PDE4D: variants seen among roughly 807,000 people sequenced by gnomAD.
PDE4D encodes phosphodiesterase 4D.
Under a neutral mutation model 87.4 loss-of-function variants are expected in PDE4D, and 24 were observed. The observed-to-expected ratio is 0.27, with a 90% CI of 0.20 to 0.39. The LOEUF is 0.39. Among genes scored for constraint, PDE4D ranks in the 10% least tolerant of loss-of-function variants. The pLI is 1.00. For synonymous variants in PDE4D, 384 were observed against 383.2 expected (o/e 1.00, Z -0.02); for missense variants, 714 against 1,041.0 (o/e 0.69, Z 4.32).
rs989816935 is a variant in PDE4D at position 58,973,782 on chromosome 5, A to AAAT, written c.*879_*881dup. 6.8e-6 allele frequency: 1 copy of AAAT among 147,846 alleles called. No homozygotes were observed. Among genetic ancestry groups the AAAT allele is most frequent in the Non-Finnish European group, 1.5e-5 (1 of 66,156 alleles). The allele number at this position is 147,846 out of a possible 1,614,324, so 9.2% of individuals were successfully genotyped here. ...GAAAGAGTGAAACAAAATGCAAAGT[A>AAAT]AATAATAAAGACTTACAAAAAGGGT... On this transcript the variant is annotated 3_prime_UTR_variant, in exon 15 of 15. Transcript: ENST00000340635.
At chr5:58,979,283 C>A (rs1394805289) in intron 11 of PDE4D, among the ~76,000 whole-genome samples, 2 of 152,182 alleles carry the variant, frequency 1.3e-5, no homozygotes, top group Non-Finnish European at 2.9e-5. Context: ...TATCTCCTGA[C>A]ACTTAAAGAG....
At chr5:59,660,400 A>T (rs934113341) in intron 1 of PDE4D, among the ~76,000 whole-genome samples, 2 of 152,126 alleles carry the variant, frequency 1.3e-5, no homozygotes, top group African/African-American at 4.8e-5. Flanking sequence ...AATATTTAAA[A>T]CCACTTCCTT....
At chr5:60,020,279 G>A (rs890331478) in intron 2 of PDE4D, among the ~76,000 whole-genome samples, 3 of 152,170 alleles carry the variant, frequency 2.0e-5, no homozygotes, top group South Asian at 4.1e-4. Context: ...ACATAACACC[G>A]TAACAAATAT....
chr5:60,412,857 C>A (rs1349842230), intron 1 of PDE4D, among the ~76,000 whole-genome samples: 1 of 152,086 alleles, frequency 6.6e-6, no homozygotes, highest in Non-Finnish European at 1.5e-5. Flanking sequence ...ATAACCCTTA[C>A]AACAAATCCT....
intron 2 of PDE4D, among the ~76,000 whole-genome samples, chr5:59,205,846 T>C (rs565469660): frequency 6.6e-6 from 1 of 152,302 alleles, no homozygotes; most frequent in Non-Finnish European, 1.5e-5. Flanking sequence ...AACAATGAGT[T>C]AAAAAATTTT....
At chr5:59,417,722 C>T (rs1261148359) in intron 1 of PDE4D, among the ~76,000 whole-genome samples, 1 of 152,066 alleles carries the variant, frequency 6.6e-6, no homozygotes, top group African/African-American at 2.4e-5. Context: ...TATCCACAGC[C>T]AACAAATCTC....
At chr5:59,963,379 CA>C (rs1279762917) in intron 3 of PDE4D, among the ~76,000 whole-genome samples, 1 of 152,142 alleles carries the variant, frequency 6.6e-6, no homozygotes, top group Non-Finnish European at 1.5e-5. Flanking sequence ...GGTCTGAAAG[CA>C]TGACTGAATA....
At chr5:59,942,446 T>C (rs1014407502) in intron 3 of PDE4D, among the ~76,000 whole-genome samples, 20 of 152,278 alleles carry the variant, frequency 1.3e-4, no homozygotes, top group South Asian at 4.1e-4. Context: ...ATGGAAGCCC[T>C]TTAATCAGCA....
chr5:59,986,016 G>T (rs542601422), intron 3 of PDE4D, among the ~76,000 whole-genome samples: 10 of 152,172 alleles, frequency 6.6e-5, no homozygotes, highest in Non-Finnish European at 1.3e-4. Context: ...AGAAATGCTG[G>T]GACATAGACA....
chr5:60,216,800 T>G (rs1377613033), intron 1 of PDE4D, among the ~76,000 whole-genome samples: 2 of 152,038 alleles, frequency 1.3e-5, no homozygotes, highest in South Asian at 2.1e-4. Flanking sequence ...AAGCAAAAAC[T>G]GACAGAACTG....
chr5:59,575,709 T>A (rs1561246299), intron 1 of PDE4D, among the ~76,000 whole-genome samples: 1 of 152,184 alleles, frequency 6.6e-6, no homozygotes, highest in Non-Finnish European at 1.5e-5. Context: ...GACACAATTC[T>A]GGAAAAGTAA....
intron 1 of PDE4D, among the ~76,000 whole-genome samples, chr5:60,503,209 C>T (rs934455930): frequency 6.6e-6 from 1 of 152,076 alleles, no homozygotes; most frequent in African/African-American, 2.4e-5. Flanking sequence ...ATACTCCTTT[C>T]CCTAATAACT....
chr5:59,813,971 C>T (rs574548649), intron 1 of PDE4D, among the ~76,000 whole-genome samples: 13 of 152,146 alleles, frequency 8.5e-5, no homozygotes, highest in Admixed American at 2.6e-4. Context: ...CAGAAGATAA[C>T]ATAAAACTCT....
At chr5:59,349,974 T>C (rs983866202) in intron 1 of PDE4D, among the ~76,000 whole-genome samples, 1 of 152,172 alleles carries the variant, frequency 6.6e-6, no homozygotes, top group African/African-American at 2.4e-5. Flanking sequence ...CATTGATAAT[T>C]GAGCAGATTC....
At chr5:59,151,459 T>C (rs1019300567) in intron 5 of PDE4D, among the ~76,000 whole-genome samples, 1 of 152,186 alleles carries the variant, frequency 6.6e-6, no homozygotes, top group African/African-American at 2.4e-5. Context: ...TTGGTTTCTG[T>C]CTGCTGCATG....
intron 1 of PDE4D, among the ~76,000 whole-genome samples, chr5:59,719,068 C>T (rs1755447238): frequency 6.6e-6 from 1 of 151,502 alleles, no homozygotes; most frequent in Non-Finnish European, 1.5e-5. Context: ...GGCTTCAATG[C>T]TGAACAGGAG....
chr5:59,355,289 A>T (rs1781195274), intron 1 of PDE4D, among the ~76,000 whole-genome samples: 1 of 152,338 alleles, frequency 6.6e-6, no homozygotes, highest in East Asian at 1.9e-4. Context: ...ATATTTGCAA[A>T]CTACACAGAA....
intron 1 of PDE4D, among the ~76,000 whole-genome samples, chr5:59,872,043 G>A (rs1747886014): frequency 6.6e-6 from 1 of 151,984 alleles, no homozygotes; most frequent in Non-Finnish European, 1.5e-5. Flanking sequence ...CCAAGCCCAC[G>A]ACTTCCCTTT....
intron 1 of PDE4D, among the ~76,000 whole-genome samples, chr5:59,821,048 A>G (rs1314887858): frequency 2.0e-5 from 3 of 152,170 alleles, no homozygotes; most frequent in African/African-American, 4.8e-5. Flanking sequence ...CCTGGCCAAC[A>G]TGGTGAAACC....
Sources: allele counts gnomAD v4.1 joint callset (sites outside exome capture counted in the v4.1 genomes callset), GRCh38; gene constraint gnomAD v4.1.1; transcripts MANE v1.5; gene names NCBI Gene and HGNC (gene_info 2026-07-23, HGNC 2026-07-21).